Variants in CDH10 observed in about 807,000 individuals in gnomAD.
CDH10 encodes the protein cadherin 10.
Under a neutral mutation model 73.1 loss-of-function variants are expected in CDH10, and 30 were observed. The observed-to-expected ratio is 0.41, with a 90% CI of 0.31 to 0.56. The LOEUF (loss-of-function observed/expected upper bound fraction) is 0.56. Ranked by LOEUF, CDH10 falls within the 20% of genes least tolerant of loss-of-function variation. The pLI, the probability that CDH10 is intolerant of heterozygous loss-of-function variation, is 0.27. For missense variants in CDH10, 815 were observed against 973.7 expected, an observed-to-expected ratio of 0.84 and a Z score of 2.17; for synonymous variants, 345 against 348.2, an observed-to-expected ratio of 0.99 and a Z score of 0.10.
chr5:24,505,741 A>C (rs1742674936), intron 7 of CDH10, among the ~76,000 whole-genome samples: 1 of 152,200 alleles, frequency 6.6e-6, no homozygotes, highest in East Asian at 1.9e-4. Flanking sequence ...TCATGATATA[A>C]CACCCACGTA....
chr5:24,529,706 C>T (rs1427181887), intron 5 of CDH10, among the ~76,000 whole-genome samples: 2 of 151,816 alleles, frequency 1.3e-5, no homozygotes, highest in African/African-American at 2.4e-5. Context: ...GAGAGTCACT[C>T]AATCATACAG....
intron 2 of CDH10, among the ~76,000 whole-genome samples, chr5:24,584,143 T>C (rs1745898288): frequency 6.6e-6 from 1 of 152,066 alleles, no homozygotes; most frequent in Non-Finnish European, 1.5e-5. Flanking sequence ...AATCCTAAAA[T>C]AATAAAATAA....
intron 1 of CDH10, chr5:24,612,720 T>C (rs1746990954): frequency 6.6e-6 from 1 of 152,112 alleles, no homozygotes; most frequent in Non-Finnish European, 1.5e-5. Context: ...CAAAAATAAC[T>C]TTTGGAGGAG....
chr5:24,620,283 T>G (rs1158610246), intron 1 of CDH10, among the ~76,000 whole-genome samples: 2 of 152,256 alleles, frequency 1.3e-5, no homozygotes, highest in East Asian at 3.9e-4. Context: ...CTATTATAGT[T>G]TGACAAAACA....
intron 2 of CDH10, among the ~76,000 whole-genome samples, chr5:24,592,475 G>A (rs1746231980): frequency 6.6e-6 from 1 of 151,662 alleles, no homozygotes; most frequent in South Asian, 2.1e-4. Context: ...AGTCAACTAA[G>A]CCTTTATCTA....
intron 2 of CDH10, among the ~76,000 whole-genome samples, chr5:24,557,944 T>C (rs979933049): frequency 1.3e-5 from 2 of 151,772 alleles, no homozygotes; most frequent in African/African-American, 4.8e-5. Context: ...AGTTTTATAT[T>C]TGGCTTAAAA....
chr5:24,619,625 C>T (rs1747243374), intron 1 of CDH10, among the ~76,000 whole-genome samples: 1 of 152,062 alleles, frequency 6.6e-6, no homozygotes, highest in African/African-American at 2.4e-5. Flanking sequence ...TTTTGGAGGG[C>T]CAGATGCAAA....
At chr5:24,616,570 G>A (rs557910064) in intron 1 of CDH10, among the ~76,000 whole-genome samples, 1 of 151,632 alleles carries the variant, frequency 6.6e-6, no homozygotes, top group Admixed American at 6.6e-5. Context: ...TTCAAAATCT[G>A]CACATACCTC....
chr5:24,596,150 G>C (rs1246903635), intron 1 of CDH10, among the ~76,000 whole-genome samples: 1 of 151,952 alleles, frequency 6.6e-6, no homozygotes, highest in Non-Finnish European at 1.5e-5. Context: ...TTTCTCTGCA[G>C]TTAGTTCTTC....
intron 5 of CDH10, among the ~76,000 whole-genome samples, chr5:24,530,511 T>G (rs1743701017): frequency 6.6e-6 from 1 of 151,932 alleles, no homozygotes. Flanking sequence ...CTAAAAATAT[T>G]CAAGTGAAAA....
chr5:24,586,699 C>A (rs921465760), intron 2 of CDH10, among the ~76,000 whole-genome samples: 7 of 151,740 alleles, frequency 4.6e-5, no homozygotes, highest in Admixed American at 3.9e-4. Flanking sequence ...CCCGCCTTGA[C>A]CTCCCAAAGT....
At chr5:24,503,159 G>C (rs140938929) in intron 8 of CDH10, among the ~76,000 whole-genome samples, 1 of 152,060 alleles carries the variant, frequency 6.6e-6, no homozygotes, top group African/African-American at 2.4e-5. Context: ...TTGGTGATTC[G>C]GCCCCATCCA....
chr5:24,642,810 T>G (rs1220230718), intron 1 of CDH10, among the ~76,000 whole-genome samples: 3 of 152,088 alleles, frequency 2.0e-5, no homozygotes, highest in Non-Finnish European at 4.4e-5. Context: ...GTTTGTTGTT[T>G]TTTTTCCCCC....
At chr5:24,528,195 T>A (rs930298144) in intron 5 of CDH10, among the ~76,000 whole-genome samples, 5 of 151,368 alleles carry the variant, frequency 3.3e-5, no homozygotes, top group African/African-American at 4.9e-5. Context: ...CGTAGAACAG[T>A]GCTTTTGCAT....
Position 24,574,867 on chromosome 5 carries a change from C to T in CDH10, c.231+18393G>A, listed in dbSNP as rs76877640. Among the ~76,000 whole-genome samples the T allele has an allele frequency of 1.3e-3, 201 of 151,222 alleles. 1 individual carries two copies. In the East Asian group the frequency reaches 0.027, roughly 20 times the overall value. ...AAAAAAACCAGAGAACAAAACTAGA[C>T]GGTACAAATAGAAAACAAATAGATT... On this transcript the variant is annotated intron_variant, in intron 2 of 11. Coordinates refer to ENST00000264463, the MANE Select transcript of CDH10 (RefSeq NM_006727.5).
intron 2 of CDH10, among the ~76,000 whole-genome samples, chr5:24,562,304 G>A (rs1579810830): frequency 1.3e-5 from 2 of 152,036 alleles, no homozygotes; most frequent in Admixed American, 1.3e-4. Context: ...ATGTCAAGAA[G>A]TATTATCTCC....
intron 5 of CDH10, among the ~76,000 whole-genome samples, chr5:24,525,859 C>A (rs1743510667): frequency 6.6e-6 from 1 of 152,056 alleles, no homozygotes; most frequent in Non-Finnish European, 1.5e-5. Context: ...AGCGAAGCTG[C>A]CATGGATCCC....
Position 24,509,780 on chromosome 5 carries a change from C to T in CDH10, c.1042G>A (p.Val348Ile), listed in dbSNP as rs1322645882. The change falls in exon 7 of 12, where the codon GTC becomes ATC. Residue 348 changes from valine (V) to isoleucine (I), a missense_variant. Val to Ile is a conservative substitution (Grantham distance 29, BLOSUM62 3). This residue lies in a region of CDH10 where 516 missense variants were observed against 636.6 expected (regional missense o/e 0.81). Transcript: ENST00000264463. ...TCTACATGGGTGTTTTCTGCTTCGA[C>T]TTTCAGAGTATAAAGTCTTCGGCTC... ...YESRRLYTLK[V>I]EAENTHVDPR... 6.2e-7 allele frequency: 1 copy of T among 1,612,688 alleles called. No homozygotes were observed. Among genetic ancestry groups the T allele is most frequent in the Non-Finnish European group, 8.5e-7 (1 of 1,178,770 alleles).
intron 2 of CDH10, among the ~76,000 whole-genome samples, chr5:24,554,410 T>G (rs1744683384): frequency 6.6e-6 from 1 of 152,046 alleles, no homozygotes; most frequent in Non-Finnish European, 1.5e-5. Context: ...ACTTGGTGCT[T>G]CCTTTGAGAT....
Sources: allele counts gnomAD v4.1 joint callset (sites outside exome capture counted in the v4.1 genomes callset), GRCh38; gene constraint gnomAD v4.1.1; regional missense constraint gnomAD v4.1.1; transcripts MANE v1.5; gene names NCBI Gene and HGNC (gene_info 2026-07-23, HGNC 2026-07-21).